USP8: variants seen among roughly 807,000 people sequenced by gnomAD.
The protein encoded by USP8 is ubiquitin carboxyl-terminal hydrolase 8.
Under a neutral mutation model 130.0 loss-of-function variants are expected in USP8, and 27 were observed. The observed-to-expected ratio is 0.21, with a 90% confidence interval of 0.15 to 0.29. The LOEUF is 0.29. Among genes scored for constraint, USP8 ranks in the 10% least tolerant of loss-of-function variants. USP8 has a pLI of 1.00. For missense variants in USP8, 1,029 were observed against 1,312.2 expected, an observed-to-expected ratio of 0.78 and a Z score of 3.33; for synonymous variants, 392 against 444.1, an observed-to-expected ratio of 0.88 and a Z score of 1.48.
rs1056573 is a variant in USP8, at chr15:50,481,694, C to A, written c.1432C>A (p.Gln478Lys). 1 of 1,610,408 alleles carries A rather than the reference C, an allele frequency of 6.2e-7. No homozygotes were observed. Among genetic ancestry groups the A allele is most frequent in the Non-Finnish European group, 8.5e-7 (1 of 1,178,974 alleles). The change falls in exon 11 of 20, where the codon CAA becomes AAA. Residue 478 changes from glutamine (Q) to lysine (K), a missense_variant. Physicochemically the swap from Gln to Lys is moderately conservative, Grantham distance 53. This residue lies in a region of USP8 where 486 missense variants were observed against 522.0 expected (regional missense o/e 0.93). Coordinates refer to ENST00000307179, the MANE Select transcript of USP8 (RefSeq NM_005154.5). ...TGCTCTTCTAATGGAAAAAAACAAACAAGAAAAAGAACTTCGGGAAAGGCA... is the reference window on the plus strand; with the variant it reads ...TGCTCTTCTAATGGAAAAAAACAAAAAAGAAAAAGAACTTCGGGAAAGGCA... The part of the protein sequence containing the change: ...ETALLMEKNK[Q>K]EKELRERQQE...
intron 4 of USP8, among the ~76,000 whole-genome samples, chr15:50,457,902 A>C (rs1313067680): frequency 1.3e-5 from 2 of 151,960 alleles, no homozygotes; most frequent in African/African-American, 4.8e-5. Context: ...AGAAAAAAAG[A>C]GCATATAAAA....
intron 12 of USP8, among the ~76,000 whole-genome samples, chr15:50,487,822 A>G (rs776583168): frequency 6.6e-6 from 1 of 152,206 alleles, no homozygotes; most frequent in Admixed American, 6.5e-5. Flanking sequence ...AGCAACTACT[A>G]TGTCTCTAGC....
At chr15:50,453,377 C>G (rs1234043087) in intron 4 of USP8, among the ~76,000 whole-genome samples, 1 of 152,076 alleles carries the variant, frequency 6.6e-6, no homozygotes, top group African/African-American at 2.4e-5. Context: ...GAAATATTTT[C>G]TAATTTCCCT....
chr15:50,485,335 A>G (rs2051917016), intron 12 of USP8, among the ~76,000 whole-genome samples: 1 of 151,416 alleles, frequency 6.6e-6, no homozygotes, highest in Non-Finnish European at 1.5e-5. Flanking sequence ...CTGTAGTTCC[A>G]GCTACTCGGG....
rs983762448 is a variant in USP8, at chr15:50,509,298, CAG to C, written c.*10213_*10214del. 6.6e-6 allele frequency: 1 copy of C among 151,960 alleles called. No individual in the cohort carries two copies. The highest frequency in any genetic ancestry group is 2.4e-5 in the African/African-American group (1 of 41,322). The allele number at this position is 151,960 out of a possible 1,614,324, so 9.4% of individuals were successfully genotyped here. On this transcript the variant is annotated 3_prime_UTR_variant, in exon 20 of 20. Transcript: ENST00000307179. ...CACCACTGCACTCCAGCCTGGGAGA[CAG>C]AGTGAGACCCTCTCTCAAAAATAGT...
At chr15:50,465,560 A>G (rs946173475) in intron 7 of USP8, among the ~76,000 whole-genome samples, 6 of 152,182 alleles carry the variant, frequency 3.9e-5, no homozygotes, top group African/African-American at 7.2e-5. Flanking sequence ...TATTGGTGGT[A>G]TTTAGAATCT....
chr15:50,435,632 G>C (rs922743432), intron 1 of USP8, among the ~76,000 whole-genome samples: 2 of 152,102 alleles, frequency 1.3e-5, no homozygotes, highest in African/African-American at 4.8e-5. Flanking sequence ...GGCTCAAATA[G>C]CAATTAAAAC....
Position 50,485,550 on chromosome 15 carries a change from ATTTTTTTTTTTTTTTTTTT to A in USP8, c.1890+1204_1890+1222del, listed in dbSNP as rs71424071. ...CCCATTTTTAGCATGCAGTTTAGTG[ATTTTTTTTTTTTTTTTTTT>A]TTTTTTTTTTTTTTAGTAATTTAGT... On this transcript the variant is annotated intron_variant, in intron 12 of 19. Transcript: ENST00000307179. 0.017 allele frequency among the ~76,000 whole-genome samples: 488 copies of A among 28,032 alleles called. 26 individuals carry two copies. In the South Asian group the frequency reaches 0.19, roughly 11 times the overall value. 18.4% of individuals were successfully genotyped at this position (28,032 alleles called of 152,430 possible).
chr15:50,443,065 GTC>G (rs2050312069), intron 3 of USP8, among the ~76,000 whole-genome samples: 1 of 152,096 alleles, frequency 6.6e-6, no homozygotes, highest in African/African-American at 2.4e-5. Context: ...CTTTGAGAGA[GTC>G]TCGCCCTGTC....
intron 10 of USP8, among the ~76,000 whole-genome samples, chr15:50,480,044 A>T (rs2051709840): frequency 6.6e-6 from 1 of 152,206 alleles, no homozygotes; most frequent in Non-Finnish European, 1.5e-5. Context: ...TACAGGCGTG[A>T]GTCACTGCGC....
intron 1 of USP8, among the ~76,000 whole-genome samples, chr15:50,428,720 A>T (rs1039640516): frequency 6.6e-6 from 1 of 152,188 alleles, no homozygotes; most frequent in Non-Finnish European, 1.5e-5. Flanking sequence ...TTTTTCCTTC[A>T]TAATTTTGCA....
intron 2 of USP8, among the ~76,000 whole-genome samples, chr15:50,440,713 G>A (rs775891917): frequency 9.9e-5 from 15 of 152,168 alleles, no homozygotes; most frequent in African/African-American, 3.1e-4. Context: ...TAAAGAATGC[G>A]CAACCTTGGC....
rs1226927341 is a variant in USP8 at position 50,509,758 on chromosome 15, C to T, written c.*10670C>T. 1 of 151,738 alleles carries T rather than the reference C, an allele frequency of 6.6e-6. No individual in the cohort carries two copies. The highest frequency in any genetic ancestry group is 1.5e-5 in the Non-Finnish European group (1 of 67,900). 9.4% of individuals were successfully genotyped at this position (151,738 alleles called of 1,614,324 possible). A position where few individuals can be genotyped will look rare whatever the true frequency, so the allele number is the denominator to read the frequency against. ...TCCTGAATAAATTTATTGTTAATAC[C>T]CTAAAAACTTTATGCCAGCCAACTG... On this transcript the variant is annotated 3_prime_UTR_variant, in exon 20 of 20. Coordinates refer to ENST00000307179, the MANE Select transcript of USP8 (RefSeq NM_005154.5).
chr15:50,428,904 G>A (rs1013813269), intron 1 of USP8, among the ~76,000 whole-genome samples: 1 of 152,098 alleles, frequency 6.6e-6, no homozygotes, highest in Non-Finnish European at 1.5e-5. Context: ...TAAAATGAGG[G>A]TTACTTGAAC....
At chr15:50,454,729 A>G (rs2141272793) in intron 4 of USP8, among the ~76,000 whole-genome samples, 1 of 152,260 alleles carries the variant, frequency 6.6e-6, no homozygotes, top group Non-Finnish European at 1.5e-5. Flanking sequence ...TGCTGGGATT[A>G]CAGATGTGAG....
Position 50,482,008 on chromosome 15 carries a change from A to G in USP8, c.1746A>G (p.Lys582=). The G allele has an allele frequency of 6.3e-7, 1 of 1,575,584 alleles. No individual in the cohort carries two copies. The highest frequency in any genetic ancestry group is 8.6e-7 in the Non-Finnish European group (1 of 1,167,900). The stretch of plus-strand genomic sequence containing the variant: ...GGTGTCCAACCCCAGAAATACAGAA[A>G]AAGTCAACAGGAGATGTGCCCCATA... ...GKRCPTPEIQ[K]KSTGDVPHTS... The change falls in exon 11 of 20, where the codon AAA becomes AAG. Residue 582 remains lysine, a synonymous_variant. Transcript: ENST00000307179.
chr15:50,509,097 T>G lies in USP8; in HGVS notation c.*10009T>G, dbSNP rs1253810140. 1 of 117,582 alleles carries G rather than the reference T, an allele frequency of 8.5e-6. No homozygotes were observed. Among genetic ancestry groups the G allele is most frequent in the African/African-American group, 3.3e-5 (1 of 30,222 alleles). The allele number at this position is 117,582 out of a possible 1,614,324, so 7.3% of individuals were successfully genotyped here. The stretch of plus-strand genomic sequence containing the variant: ...GCAGTGAGCCAAGATCGCGCCACTG[T>G]GCTCCAGCCTGGGCGACAGAGCGAG... On this transcript the variant is annotated 3_prime_UTR_variant, in exon 20 of 20. Transcript: ENST00000307179.
At chr15:50,458,259 C>A (rs777024939) in intron 4 of USP8, among the ~76,000 whole-genome samples, 2 of 152,170 alleles carry the variant, frequency 1.3e-5, no homozygotes, top group Non-Finnish European at 2.9e-5. Flanking sequence ...TCAAGTGATT[C>A]TCCTGCCTCA....
intron 15 of USP8, 22 bp from the exon 16 acceptor site, chr15:50,494,048 G>A (rs2052281153): frequency 1.3e-6 from 2 of 1,593,156 alleles, no homozygotes; most frequent in Non-Finnish European, 8.5e-7. Flanking sequence ...ATTGTCTTTT[G>A]TAACAACTTT....
Sources: allele counts gnomAD v4.1 joint callset (sites outside exome capture counted in the v4.1 genomes callset), GRCh38; gene constraint gnomAD v4.1.1; regional missense constraint gnomAD v4.1.1; transcripts MANE v1.5; gene names NCBI Gene and HGNC (gene_info 2026-07-23, HGNC 2026-07-21).